Variants in ZNF382 observed in about 807,000 individuals in gnomAD.
The protein encoded by ZNF382 is zinc finger protein 382, also known as KRAB/zinc finger suppressor protein 1.
A neutral mutation model predicts 38.8 loss-of-function variants in ZNF382; 20 were observed. That is an observed-to-expected ratio of 0.51 (90% CI 0.36 to 0.75). The LOEUF (loss-of-function observed/expected upper bound fraction) is 0.75. Ranked by LOEUF, ZNF382 falls within the 30% of genes least tolerant of loss-of-function variation. ZNF382 has a pLI of 0.00. For synonymous variants in ZNF382, 202 were observed against 223.1 expected (o/e 0.91, Z 0.84); for missense variants, 546 against 654.1 (o/e 0.83, Z 1.80).
rs981083013 is a variant in ZNF382, at chr19:36,633,743, A to G, written c.*6193A>G. 1 of 152,212 alleles carries G rather than the reference A, an allele frequency of 6.6e-6. No individual in the cohort carries two copies. The highest frequency in any genetic ancestry group is 2.4e-5 in the African/African-American group (1 of 41,452). The allele number at this position is 152,212 out of a possible 1,614,324, so 9.4% of individuals were successfully genotyped here. A position where few individuals can be genotyped will look rare whatever the true frequency, so the allele number is the denominator to read the frequency against. On this transcript the variant is annotated 3_prime_UTR_variant, in exon 5 of 5. Coordinates refer to ENST00000292928, the MANE Select transcript of ZNF382 (RefSeq NM_032825.5). The stretch of plus-strand genomic sequence containing the variant: ...CATTCCCAAGATGGAATTCTACTCA[A>G]CGATAACAATAATGAGCTACTGAAA...
intron 1 of ZNF382, among the ~76,000 whole-genome samples, chr19:36,607,320 C>G (rs963930561): frequency 6.6e-6 from 1 of 152,124 alleles, no homozygotes; most frequent in Non-Finnish European, 1.5e-5. Flanking sequence ...CAAGCTAAAA[C>G]AGGTTCCCCA....
At chr19:36,614,740 A>G (rs926882046) in intron 4 of ZNF382, among the ~76,000 whole-genome samples, 7 of 152,226 alleles carry the variant, frequency 4.6e-5, no homozygotes, top group Non-Finnish European at 5.9e-5. Context: ...AGCCTGGCCA[A>G]CGTGGCAAAA....
chr19:36,615,461 C>T (rs917455920), intron 4 of ZNF382, among the ~76,000 whole-genome samples: 1 of 152,182 alleles, frequency 6.6e-6, no homozygotes, highest in East Asian at 1.9e-4. Flanking sequence ...CATATTTCCT[C>T]ATAGTACAAT....
intron 4 of ZNF382, among the ~76,000 whole-genome samples, chr19:36,623,576 G>A (rs547836850): frequency 1.3e-5 from 2 of 151,828 alleles, no homozygotes; most frequent in African/African-American, 2.4e-5. Flanking sequence ...GATCACTTGA[G>A]GCCAGGGGTT....
At chr19:36,616,763 C>T (rs1027793065) in intron 4 of ZNF382, among the ~76,000 whole-genome samples, 1 of 152,178 alleles carries the variant, frequency 6.6e-6, no homozygotes. Flanking sequence ...AAAATATCCA[C>T]TTTGTTTCCA....
At chr19:36,617,451 G>C (rs2037134073) in intron 4 of ZNF382, among the ~76,000 whole-genome samples, 1 of 152,152 alleles carries the variant, frequency 6.6e-6, no homozygotes, top group Admixed American at 6.5e-5. Context: ...TCCCCAGTCA[G>C]TCAGGAGTGA....
intron 4 of ZNF382, among the ~76,000 whole-genome samples, chr19:36,622,629 G>A (rs575391236): frequency 5.9e-5 from 9 of 152,270 alleles, no homozygotes; most frequent in African/African-American, 1.9e-4. Context: ...ATGTGGCTGA[G>A]CTCAGTTTCC....
At chr19:36,605,744 T>A (rs927851908) in intron 1 of ZNF382, 1 of 152,412 alleles carries the variant, frequency 6.6e-6, no homozygotes, top group Non-Finnish European at 1.5e-5. Context: ...CTTGCCTCTC[T>A]TTGGGATGTT....
In ZNF382 at chr19:36,611,138, A is replaced by T. The variant is rs142686917; in HGVS notation, c.232+396A>T. Among the ~76,000 whole-genome samples the T allele has an allele frequency of 2.3e-3, 346 of 152,136 alleles. 1 individual carries two copies. Among genetic ancestry groups the T allele is most frequent in the African/African-American group, 7.9e-3 (326 of 41,510 alleles). ...CCCTGTCTCTACTAAAAATACAAAA[A>T]AATTAGCCAGGCATGGTGGTGGACA... is the stretch of plus-strand genomic sequence containing the variant. On this transcript the variant is annotated intron_variant, in intron 4 of 4. Transcript: ENST00000292928.
intron 2 of ZNF382, 93 bp downstream of exon 2, chr19:36,607,715 A>AT: frequency 7.7e-7 from 1 of 1,294,094 alleles, no homozygotes; most frequent in South Asian, 1.6e-5. Flanking sequence ...TGATATTGGG[A>AT]TTTGCTTCCA....
At chr19:36,609,313 AAAAAAAAAT>A in intron 2 of ZNF382, 1 of 151,984 alleles carries the variant, frequency 6.6e-6, no homozygotes, top group South Asian at 2.1e-4. Context: ...GTTCTGTAGG[AAAAAAAAAT>A]CTAGTATCAT....
chr19:36,614,679 C>T (rs2037106823), intron 4 of ZNF382, among the ~76,000 whole-genome samples: 1 of 152,036 alleles, frequency 6.6e-6, no homozygotes, highest in South Asian at 2.1e-4. Context: ...GTAATCTCAG[C>T]ACTTTGGGAG....
rs80273490 is a variant in ZNF382, at chr19:36,606,195, A to G, written c.-85+848A>G. Reference sequence around the variant, plus strand: ...ATTTAGCAAATAAAATAGAGATAACAGTATCAGAGGGGAAGAGATGATTTT... The same window carrying G: ...ATTTAGCAAATAAAATAGAGATAACGGTATCAGAGGGGAAGAGATGATTTT... On this transcript the variant is annotated intron_variant, in intron 1 of 4. Coordinates refer to ENST00000292928, the MANE Select transcript of ZNF382 (RefSeq NM_032825.5). Among the ~76,000 whole-genome samples the G allele has an allele frequency of 5.5e-3, 838 of 152,318 alleles. 23 individuals carry two copies. Among genetic ancestry groups the G allele is most frequent in the Admixed American group, 0.037 (567 of 15,290 alleles).
rs960956467 is a variant in ZNF382, at chr19:36,633,963, A to G, written c.*6413A>G. ...GAATACAGAGGGGTTGCACGAGGCA[A>G]TTCTTTGAGGTGTTGGAATTGTTTT... On this transcript the variant is annotated 3_prime_UTR_variant, in exon 5 of 5. Coordinates refer to ENST00000292928, the MANE Select transcript of ZNF382 (RefSeq NM_032825.5). 1 of 152,174 alleles carries G rather than the reference A, an allele frequency of 6.6e-6. No homozygotes were observed. Among genetic ancestry groups the G allele is most frequent in the African/African-American group, 2.4e-5 (1 of 41,458 alleles). 9.4% of individuals were successfully genotyped at this position (152,174 alleles called of 1,614,324 possible).
Position 36,627,045 on chromosome 19 carries a change from C to A in ZNF382, c.1148C>A (p.Pro383His). ...THTGEKAYEC[P>H]QCGSAFRKKS... ...ACGGGGGAGAAAGCCTATGAATGTC[C>A]TCAGTGTGGAAGTGCCTTTAGGAAG... The change falls in exon 5 of 5, where the codon CCT (proline) becomes CAT (histidine). Residue 383 changes from proline (P) to histidine (H), a missense_variant. Pro to His is a moderately conservative substitution (Grantham distance 77, BLOSUM62 -2). Coordinates refer to ENST00000292928, the MANE Select transcript of ZNF382 (RefSeq NM_032825.5). The A allele has an allele frequency of 6.2e-7, 1 of 1,613,614 alleles. No homozygotes were observed. The highest frequency in any genetic ancestry group is 1.1e-5 in the South Asian group (1 of 91,066).
At chr19:36,615,090 C>G (rs1327660956) in intron 4 of ZNF382, among the ~76,000 whole-genome samples, 2 of 148,714 alleles carry the variant, frequency 1.3e-5, no homozygotes, top group Admixed American at 1.4e-4. Flanking sequence ...TCAAATGATT[C>G]TTGTGCTTCA....
chr19:36,614,094 C>A (rs928581064), intron 4 of ZNF382, among the ~76,000 whole-genome samples: 3 of 152,026 alleles, frequency 2.0e-5, no homozygotes, highest in African/African-American at 7.2e-5. Flanking sequence ...AACCCCAGCA[C>A]TTTGGGAGGC....
chr19:36,620,258 A>G (rs2037158416), intron 4 of ZNF382, among the ~76,000 whole-genome samples: 1 of 152,086 alleles, frequency 6.6e-6, no homozygotes, highest in African/African-American at 2.4e-5. Flanking sequence ...TTTCCAGTAA[A>G]CTTTTATGTT....
intron 1 of ZNF382, among the ~76,000 whole-genome samples, chr19:36,605,905 G>A (rs946732427): frequency 1.3e-5 from 2 of 152,194 alleles, no homozygotes; most frequent in African/African-American, 2.4e-5. Context: ...GGTTGTGACT[G>A]CCTGGAGTCG....
Sources: gnomAD v4.1 joint callset for allele counts (sites outside exome capture counted in the v4.1 genomes callset) on GRCh38, gnomAD v4.1.1 for gene constraint, MANE v1.5 for transcripts, NCBI Gene and HGNC (gene_info 2026-07-23, HGNC 2026-07-21) for gene names.